Variants in SCN7A observed in about 807,000 individuals in gnomAD.
The protein encoded by SCN7A is sodium voltage-gated channel alpha subunit 7.
In SCN7A, 138 loss-of-function variants were observed where a neutral mutation model predicts 155.2. That is an observed-to-expected ratio of 0.89 (90% CI 0.77 to 1.02). The LOEUF (loss-of-function observed/expected upper bound fraction) is 1.02. Ranked by LOEUF, SCN7A falls within the 50% of genes least tolerant of loss-of-function variation. SCN7A has a pLI of 0.00. For synonymous variants in SCN7A, 693 were observed against 649.0 expected (o/e 1.07, Z -1.03); for missense variants, 2,058 against 1,986.6 (o/e 1.04, Z -0.68).
At chr2:166,429,739 T>G (rs919929361) in intron 16 of SCN7A, among the ~76,000 whole-genome samples, 1 of 152,042 alleles carries the variant, frequency 6.6e-6, no homozygotes, top group Non-Finnish European at 1.5e-5. Flanking sequence ...GATGGTCTTA[T>G]GTATGTCATC....
At chr2:166,445,532 G>T (rs1284473926) in intron 12 of SCN7A, among the ~76,000 whole-genome samples, 1 of 152,150 alleles carries the variant, frequency 6.6e-6, no homozygotes, top group Non-Finnish European at 1.5e-5. Flanking sequence ...ATAAAAAACT[G>T]AATGAAGGGA....
At chr2:166,424,789 C>T (rs544085644) in intron 18 of SCN7A, among the ~76,000 whole-genome samples, 46 of 152,116 alleles carry the variant, frequency 3.0e-4, no homozygotes, top group Admixed American at 2.0e-4. Flanking sequence ...TAGATGGGAA[C>T]GATGGAAATC....
chr2:166,436,282 G>A (rs192058076), intron 15 of SCN7A: 2 of 271,222 alleles, frequency 7.4e-6, no homozygotes, highest in East Asian at 2.6e-4. Flanking sequence ...TTACCTTCAT[G>A]CTGTTCTCAT....
Position 166,477,714 on chromosome 2 carries a change from CA to C in SCN7A, c.-14-5del, listed in dbSNP as rs750661734. ...GCCAACATTTCCAATTTTGTACCTG[CA>C]AAAAATTCTGTATTAAAGTTGGGTA... On this transcript the variant is annotated splice_region_variant and splice_polypyrimidine_tract_variant and intron_variant, in intron 2 of 25. Coordinates refer to ENST00000643258, the MANE Select transcript of SCN7A (RefSeq NM_002976.4). The C allele has an allele frequency of 1.5e-5, 23 of 1,509,934 alleles. No homozygotes were observed. The South Asian group carries it at 2.4e-4, about 16-fold the overall frequency. The allele number at this position is 1,509,934 out of a possible 1,614,324, so 93.5% of individuals were successfully genotyped here.
At position 166,441,544 on chromosome 2, in the gene SCN7A, T is replaced by A; in HGVS notation, c.2009A>T (p.His670Leu). The A allele has an allele frequency of 6.2e-7, 1 of 1,614,088 alleles. No individual in the cohort carries two copies. The highest frequency in any genetic ancestry group is 8.5e-7 in the Non-Finnish European group (1 of 1,179,982). Residue 670 changes from histidine (H) to leucine (L), a missense_variant, in exon 15 of 26, where the codon CAC becomes CTC. His to Leu is a moderately conservative substitution (Grantham distance 99, BLOSUM62 -3). Transcript: ENST00000643258. ...IDKDCQLPRWHMHDFFHSFLN... is the reference protein window; with the variant it reads ...IDKDCQLPRWLMHDFFHSFLN... ...GAAGGAGTGGAAAAAGTCATGCATG[T>A]GCCAGCGTGGGAGTTGACAGTCTTT...
intron 9 of SCN7A, among the ~76,000 whole-genome samples, chr2:166,465,219 C>T (rs889963799): frequency 6.6e-6 from 1 of 152,144 alleles, no homozygotes; most frequent in African/African-American, 2.4e-5. Flanking sequence ...TGGCCCAGCA[C>T]CTTGATCTGG....
At chr2:166,475,121 C>CGTATATACGT (rs1553520555) in intron 3 of SCN7A, among the ~76,000 whole-genome samples, 1 of 102,234 alleles carries the variant, frequency 9.8e-6, no homozygotes, top group African/African-American at 4.0e-5. Context: ...TATATATATA[C>CGTATATACGT]ATATATATAT....
At chr2:166,458,346 A>T (rs998810508) in intron 10 of SCN7A, among the ~76,000 whole-genome samples, 1 of 150,076 alleles carries the variant, frequency 6.7e-6, no homozygotes, top group Admixed American at 6.6e-5. Context: ...AAAAAAAAGT[A>T]CCCTTTAGGC....
intron 2 of SCN7A, among the ~76,000 whole-genome samples, chr2:166,478,176 C>T (rs767946367): frequency 1.3e-5 from 2 of 151,580 alleles, no homozygotes; most frequent in African/African-American, 2.4e-5. Context: ...ATTACAGTAT[C>T]GGTCAAATAT....
intron 9 of SCN7A, 100 bp downstream of exon 9, chr2:166,465,362 A>T: frequency 1.2e-6 from 1 of 832,128 alleles, no homozygotes; most frequent in Non-Finnish European, 1.9e-6. Context: ...GAAATGAGAT[A>T]ATACAATCAA....
At chr2:166,464,130 A>G (rs964923545) in intron 9 of SCN7A, among the ~76,000 whole-genome samples, 1 of 150,420 alleles carries the variant, frequency 6.6e-6, no homozygotes, top group African/African-American at 2.5e-5. Flanking sequence ...ATATATACGT[A>G]TATATACGAA....
At chr2:166,453,090 A>G (rs959070925) in intron 11 of SCN7A, among the ~76,000 whole-genome samples, 16 of 152,154 alleles carry the variant, frequency 1.1e-4, no homozygotes, top group Non-Finnish European at 2.1e-4. Flanking sequence ...TACATTTTAT[A>G]GTATAATAAC....
chr2:166,441,699 C>T lies in SCN7A; in HGVS notation c.1854G>A (p.Trp618Ter), dbSNP rs1701964490. ...KYWPTFQILMWSLSNSWVALK... is the reference protein window; with the variant it reads ...KYWPTFQILM Reference sequence around the variant, plus strand: ...GGGCCACCCATGAGTTACTAAGAGACCACATCAAAATCTGGAATGTTGGCC... The same window carrying T: ...GGGCCACCCATGAGTTACTAAGAGATCACATCAAAATCTGGAATGTTGGCC... The change falls in exon 15 of 26, where the codon TGG (tryptophan) becomes TGA (stop). Residue 618 changes from tryptophan (W) to a stop codon, truncating the protein, a stop_gained. Transcript: ENST00000643258. LOFTEE classifies it high-confidence loss of function. 1 of 1,613,032 alleles carries T rather than the reference C, an allele frequency of 6.2e-7. No individual in the cohort carries two copies. Among genetic ancestry groups the T allele is most frequent in the Non-Finnish European group, 8.5e-7 (1 of 1,179,520 alleles).
At chr2:166,468,520 G>T (rs1173954375) in intron 7 of SCN7A, among the ~76,000 whole-genome samples, 1 of 151,960 alleles carries the variant, frequency 6.6e-6, no homozygotes, top group South Asian at 2.1e-4. Flanking sequence ...AATGAACCAC[G>T]GAAGTCCATG....
intron 16 of SCN7A, among the ~76,000 whole-genome samples, chr2:166,431,399 C>G (rs537928786): frequency 6.6e-6 from 1 of 152,124 alleles, no homozygotes; most frequent in Non-Finnish European, 1.5e-5. Flanking sequence ...GAGCATCTGC[C>G]AAAACAGAAG....
chr2:166,414,267 CACACAT>C (rs1251251968), intron 21 of SCN7A, among the ~76,000 whole-genome samples: 2,846 of 28,216 alleles, frequency 0.1, 234 homozygotes, highest in Non-Finnish European at 0.13. Context: ...TATATATACA[CACACAT>C]ATATATATAT....
chr2:166,467,483 G>GTT (rs1387012365), intron 7 of SCN7A, among the ~76,000 whole-genome samples: 3 of 116,618 alleles, frequency 2.6e-5, no homozygotes, highest in African/African-American at 1.2e-4. Flanking sequence ...TTTTATATAT[G>GTT]TTTATATATA....
In SCN7A at chr2:166,405,706, C is replaced by G; in HGVS notation, c.4923G>C (p.Leu1641Phe). The G allele has an allele frequency of 6.2e-7, 1 of 1,613,032 alleles. No homozygotes were observed. Among genetic ancestry groups the G allele is most frequent in the Non-Finnish European group, 8.5e-7 (1 of 1,179,342 alleles). ...IIQRAYKNYRLRRNDKNTSDI... is the reference protein window; with the variant it reads ...IIQRAYKNYRFRRNDKNTSDI... ...CTGATGTATTTTTGTCATTTCGCCT[C>G]AAGCGGTAATTTTTATAAGCACGTT... Residue 1641 changes from leucine to phenylalanine, a missense_variant, in exon 26 of 26, where the codon TTG becomes TTC. Transcript: ENST00000643258.
chr2:166,422,866 G>C (rs888191241), intron 19 of SCN7A, among the ~76,000 whole-genome samples: 2 of 152,134 alleles, frequency 1.3e-5, no homozygotes, highest in African/African-American at 2.4e-5. Flanking sequence ...AGAGATCTAA[G>C]TGAGAAATTT....
Sources: allele counts gnomAD v4.1 joint callset (sites outside exome capture counted in the v4.1 genomes callset), GRCh38; gene constraint gnomAD v4.1.1; transcripts MANE v1.5; gene names NCBI Gene and HGNC (gene_info 2026-07-23, HGNC 2026-07-21).